The following ZSWIM6 variants were observed in gnomAD, a reference collection of about 807,000 sequenced individuals.
ZSWIM6 encodes the protein zinc finger SWIM-type containing 6.
ZSWIM6 carries 9 observed loss-of-function variants against 113.2 expected under a neutral mutation model. The ratio of observed to expected loss-of-function variants is 0.08; its 90% CI spans 0.05 to 0.14. ZSWIM6 has a LOEUF of 0.14. Ranked by LOEUF, ZSWIM6 falls within the 10% of genes least tolerant of loss-of-function variation. The pLI is 1.00. For missense variants in ZSWIM6, 1,162 were observed against 1,552.2 expected (o/e 0.75, Z 4.22); for synonymous variants, 611 against 606.5 (o/e 1.01, Z -0.11).
intron 1 of ZSWIM6, among the ~76,000 whole-genome samples, chr5:61,464,094 C>T (rs894187589): frequency 1.7e-4 from 25 of 147,134 alleles, no homozygotes; most frequent in African/African-American, 5.5e-4. Context: ...TGGGTTCAAG[C>T]GATTCTCCTG....
At chr5:61,503,411 A>C (rs902510750) in intron 4 of ZSWIM6, among the ~76,000 whole-genome samples, 3 of 152,238 alleles carry the variant, frequency 2.0e-5, no homozygotes, top group African/African-American at 7.2e-5. Context: ...CTAGATTAAT[A>C]AATTTCAAAA....
At chr5:61,455,826 GC>G (rs546967573) in intron 1 of ZSWIM6, among the ~76,000 whole-genome samples, 1,992 of 6,886 alleles carry the variant, frequency 0.29, 48 homozygotes, top group Middle Eastern at 0.44. Context: ...CTCTCCCCCC[GC>G]CCCCGCCCCC....
intron 1 of ZSWIM6, among the ~76,000 whole-genome samples, chr5:61,406,534 T>G (rs991388860): frequency 1.3e-5 from 2 of 152,112 alleles, no homozygotes; most frequent in Admixed American, 1.3e-4. Flanking sequence ...TAACAATGTT[T>G]TCAACATTTT....
At chr5:61,489,956 A>G (rs1748133639) in intron 2 of ZSWIM6, among the ~76,000 whole-genome samples, 1 of 152,092 alleles carries the variant, frequency 6.6e-6, no homozygotes, top group Non-Finnish European at 1.5e-5. Context: ...CCACACCTAC[A>G]GATGTATTTT....
intron 1 of ZSWIM6, chr5:61,347,602 C>G (rs1258540745): frequency 6.5e-6 from 1 of 152,730 alleles, no homozygotes; most frequent in Non-Finnish European, 1.5e-5. Context: ...AAGGCCTCAC[C>G]TACAACATTA....
rs1748266511 is a variant in ZSWIM6, at chr5:61,494,395, C to T, written c.1318C>T (p.Leu440Phe). Residue 440 changes from leucine to phenylalanine, a missense_variant, in exon 4 of 14, where the codon CTC (leucine) becomes TTC (phenylalanine). Physicochemically the swap from Leu to Phe is conservative, Grantham distance 22 (BLOSUM62 0). Around this residue, in one of 4 missense-constraint regions of ZSWIM6, gnomAD observed 620 missense variants for 804.6 expected, o/e 0.77. Transcript: ENST00000252744. ...GTAMTDKYRQLWDELGALWMC... is the reference protein window; with the variant it reads ...GTAMTDKYRQFWDELGALWMC... ...TGCAATGACTGACAAATACAGGCAG[C>T]TCTGGGATGAGCTGGGTAAGCATGT... The T allele has an allele frequency of 6.4e-7, 1 of 1,550,852 alleles. No individual in the cohort carries two copies. The highest frequency in any genetic ancestry group is 1.2e-5 in the South Asian group (1 of 84,050).
At chr5:61,345,407 A>T (rs1278773071) in intron 1 of ZSWIM6, among the ~76,000 whole-genome samples, 3 of 152,200 alleles carry the variant, frequency 2.0e-5, no homozygotes, top group Non-Finnish European at 2.9e-5. Context: ...AATTGAGTTT[A>T]AAGTTTTTGG....
At chr5:61,428,883 T>C (rs1465899812) in intron 1 of ZSWIM6, among the ~76,000 whole-genome samples, 1 of 152,218 alleles carries the variant, frequency 6.6e-6, no homozygotes, top group Non-Finnish European at 1.5e-5. Context: ...TTTTGTGTTA[T>C]TTAATAGCTG....
intron 4 of ZSWIM6, among the ~76,000 whole-genome samples, chr5:61,516,962 T>G (rs962917545): frequency 2.0e-5 from 3 of 152,138 alleles, no homozygotes; most frequent in African/African-American, 7.2e-5. Flanking sequence ...TTTTAATGCT[T>G]TAAAGATATT....
chr5:61,333,947 C>T (rs1579935388), intron 1 of ZSWIM6, among the ~76,000 whole-genome samples: 1 of 152,094 alleles, frequency 6.6e-6, no homozygotes, highest in South Asian at 2.1e-4. Context: ...GCTCGGCGGC[C>T]GCTCCCGCGT....
chr5:61,363,569 C>A (rs1745076793), intron 1 of ZSWIM6, among the ~76,000 whole-genome samples: 1 of 152,054 alleles, frequency 6.6e-6, no homozygotes, highest in Non-Finnish European at 1.5e-5. Flanking sequence ...TAGCTGGTAT[C>A]ATATTACGGA....
chr5:61,389,209 C>T (rs982377288), intron 1 of ZSWIM6, among the ~76,000 whole-genome samples: 5 of 152,020 alleles, frequency 3.3e-5, no homozygotes, highest in Admixed American at 2.0e-4. Flanking sequence ...TTCATGGTAC[C>T]ACATTTGTAT....
chr5:61,527,414 A>T (rs951149156), intron 7 of ZSWIM6, among the ~76,000 whole-genome samples: 4 of 152,202 alleles, frequency 2.6e-5, no homozygotes, highest in African/African-American at 9.6e-5. Flanking sequence ...ATAACTAAAA[A>T]TTATTAAAAG....
chr5:61,458,620 G>A (rs552578606), intron 1 of ZSWIM6, among the ~76,000 whole-genome samples: 1 of 152,232 alleles, frequency 6.6e-6, no homozygotes, highest in African/African-American at 2.4e-5. Context: ...GCTCATGCCT[G>A]TAATCCCAGC....
intron 1 of ZSWIM6, among the ~76,000 whole-genome samples, chr5:61,337,904 TAAAG>T (rs974421860): frequency 2.5e-4 from 38 of 152,230 alleles, no homozygotes; most frequent in Admixed American, 1.4e-3. Context: ...ATTTTTGTAA[TAAAG>T]AAACTTACAA....
At chr5:61,409,585 C>A (rs1163216108) in intron 1 of ZSWIM6, among the ~76,000 whole-genome samples, 1 of 152,104 alleles carries the variant, frequency 6.6e-6, no homozygotes, top group Non-Finnish European at 1.5e-5. Flanking sequence ...CTCCACCATA[C>A]CCTGTTTTCT....
chr5:61,539,034 T>C lies in ZSWIM6; in HGVS notation c.2539+63T>C, dbSNP rs934645352. On this transcript the variant is annotated intron_variant, in intron 11 of 13. Transcript: ENST00000252744. ...CGTTTGCCTGTTTATTTTTTTTAAG[T>C]CTTGTTTTCTATCAAATTCTCAGCA... The C allele has an allele frequency of 2.1e-6, 3 of 1,430,430 alleles. No individual in the cohort carries two copies. In the African/African-American group the frequency reaches 4.3e-5, roughly 21 times the overall value. The allele number at this position is 1,430,430 out of a possible 1,614,324, so 88.6% of individuals were successfully genotyped here.
intron 1 of ZSWIM6, among the ~76,000 whole-genome samples, chr5:61,377,361 A>G (rs1414381088): frequency 6.6e-6 from 1 of 152,154 alleles, no homozygotes; most frequent in Non-Finnish European, 1.5e-5. Context: ...GTTTAGAATG[A>G]AAGTTTTTTT....
At chr5:61,401,596 A>T (rs1745939703) in intron 1 of ZSWIM6, among the ~76,000 whole-genome samples, 1 of 152,158 alleles carries the variant, frequency 6.6e-6, no homozygotes, top group Non-Finnish European at 1.5e-5. Context: ...GCTAGTAAAA[A>T]ACATACTGTA....
Sources: gnomAD v4.1 joint callset for allele counts (sites outside exome capture counted in the v4.1 genomes callset) on GRCh38, gnomAD v4.1.1 for gene constraint, gnomAD v4.1.1 regional missense constraint, MANE v1.5 for transcripts, NCBI Gene and HGNC (gene_info 2026-07-23, HGNC 2026-07-21) for gene names.